Variants in FRMD4A observed in about 807,000 individuals in gnomAD.
FRMD4A encodes the protein FERM domain containing 4A.
In FRMD4A, 29 loss-of-function variants were observed where a neutral mutation model predicts 129.1. That is an observed-to-expected ratio of 0.22 (90% CI 0.17 to 0.31). The LOEUF (loss-of-function observed/expected upper bound fraction) is 0.31. FRMD4A is among the 10% of genes least tolerant of loss of function. FRMD4A has a pLI of 1.00. For missense variants in FRMD4A, 1,272 were observed against 1,375.8 expected, an observed-to-expected ratio of 0.92 and a Z score of 1.19; for synonymous variants, 634 against 571.6, an observed-to-expected ratio of 1.11 and a Z score of -1.56.
At chr10:14,014,670 C>G (rs112145640) in intron 2 of FRMD4A, among the ~76,000 whole-genome samples, 2,315 of 152,272 alleles carry the variant, frequency 0.015, 62 homozygotes, top group African/African-American at 0.053. Context: ...AGAACAGGAC[C>G]AAGACATCAA....
chr10:13,982,231 C>T (rs1484228765), intron 2 of FRMD4A, among the ~76,000 whole-genome samples: 1 of 151,946 alleles, frequency 6.6e-6, no homozygotes. Context: ...TGCCTGTAAT[C>T]CCAGCACTTT....
chr10:14,050,430 A>C (rs777011722), intron 2 of FRMD4A, among the ~76,000 whole-genome samples: 1 of 152,196 alleles, frequency 6.6e-6, no homozygotes, highest in Non-Finnish European at 1.5e-5. Context: ...GACCTAATAA[A>C]ATACAAATTA....
chr10:14,147,382 G>C (rs1279968483), intron 2 of FRMD4A, among the ~76,000 whole-genome samples: 1 of 152,190 alleles, frequency 6.6e-6, no homozygotes, highest in African/African-American at 2.4e-5. Flanking sequence ...TGGTTTTGTG[G>C]AAGATACTTT....
At chr10:14,171,684 G>T (rs1841484526) in intron 2 of FRMD4A, among the ~76,000 whole-genome samples, 1 of 152,204 alleles carries the variant, frequency 6.6e-6, no homozygotes, top group African/African-American at 2.4e-5. Context: ...ATTTAGACTG[G>T]TTAAGTCCAT....
At chr10:14,110,428 A>G (rs1433393507) in intron 2 of FRMD4A, among the ~76,000 whole-genome samples, 1 of 152,180 alleles carries the variant, frequency 6.6e-6, no homozygotes, top group Non-Finnish European at 1.5e-5. Flanking sequence ...CTGTCTTTGA[A>G]AACAGCAAAC....
intron 2 of FRMD4A, among the ~76,000 whole-genome samples, chr10:14,278,608 A>C (rs2132056862): frequency 6.6e-6 from 1 of 152,332 alleles, no homozygotes; most frequent in East Asian, 1.9e-4. Flanking sequence ...ACAGCAACAA[A>C]AGCCCAAAGA....
At chr10:14,048,010 C>A (rs1489335486) in intron 2 of FRMD4A, among the ~76,000 whole-genome samples, 1 of 152,188 alleles carries the variant, frequency 6.6e-6, no homozygotes, top group Non-Finnish European at 1.5e-5. Flanking sequence ...AGCACATAGT[C>A]ACTCAATAAA....
At chr10:13,831,935 C>A (rs55742271) in intron 3 of FRMD4A, among the ~76,000 whole-genome samples, 15,885 of 151,980 alleles carry the variant, frequency 0.1, 1,051 homozygotes, top group South Asian at 0.25. Flanking sequence ...GAGCTCAGGG[C>A]TTTTTTAGCC....
At chr10:14,279,791 C>A (rs1249834122) in intron 2 of FRMD4A, among the ~76,000 whole-genome samples, 1 of 152,212 alleles carries the variant, frequency 6.6e-6, no homozygotes, top group African/African-American at 2.4e-5. Flanking sequence ...GCCCATCATT[C>A]ACTGCATCTC....
Position 13,821,954 on chromosome 10 carries a change from G to C in FRMD4A, c.112-11046C>G, listed in dbSNP as rs1211507518. On this transcript the variant is annotated intron_variant, in intron 3 of 24. Transcript: ENST00000357447. This position sits in a 1 kb window ranked among gnomAD's most constrained non-coding sequence, Gnocchi z 4.3. ...TGCCCCCGCTAATGTTACACTTAGG[G>C]GACAGAGCAGGTCTCGAAGATCCGA... is the stretch of plus-strand genomic sequence containing the variant. Among the ~76,000 whole-genome samples the C allele has an allele frequency of 2.0e-5, 3 of 152,110 alleles. No homozygotes were observed. Among genetic ancestry groups the C allele is most frequent in the Admixed American group, 1.3e-4 (2 of 15,260 alleles).
chr10:14,103,245 C>T (rs560820835), intron 2 of FRMD4A, among the ~76,000 whole-genome samples: 3 of 152,284 alleles, frequency 2.0e-5, no homozygotes, highest in East Asian at 3.9e-4. Flanking sequence ...CAGCAATATG[C>T]CCATCTAATC....
At chr10:14,145,470 A>T (rs796240503) in intron 2 of FRMD4A, among the ~76,000 whole-genome samples, 4 of 152,324 alleles carry the variant, frequency 2.6e-5, no homozygotes, top group African/African-American at 9.6e-5. Flanking sequence ...ATATGTCCAG[A>T]AGATAGACCC....
intron 2 of FRMD4A, among the ~76,000 whole-genome samples, chr10:14,320,185 C>T (rs921440019): frequency 6.6e-6 from 1 of 152,174 alleles, no homozygotes; most frequent in African/African-American, 2.4e-5. Flanking sequence ...ATTAAACACC[C>T]CACTTCCCAT....
intron 2 of FRMD4A, among the ~76,000 whole-genome samples, chr10:13,890,304 C>T (rs1363411448): frequency 3.0e-4 from 46 of 152,324 alleles, no homozygotes; most frequent in Non-Finnish European, 1.6e-4. Flanking sequence ...ATTTGAAGGA[C>T]GGCATACCCA....
Position 13,741,479 on chromosome 10 carries a change from C to T in FRMD4A, c.549-902G>A, listed in dbSNP as rs186815149. ...AACAAAAAACAAAAGAACAAAAAGA[C>T]TGGAGCCCAGGTTTTGGGATCAGCT... On this transcript the variant is annotated intron_variant, in intron 9 of 24. Coordinates refer to ENST00000357447, the MANE Select transcript of FRMD4A (RefSeq NM_018027.5). Among the ~76,000 whole-genome samples, 631 of 152,174 alleles carry T rather than the reference C, an allele frequency of 4.1e-3. 4 individuals carry two copies. Among genetic ancestry groups the T allele is most frequent in the Middle Eastern group, 0.017 (5 of 294 alleles).
chr10:13,956,164 G>GC (rs1554986826), intron 2 of FRMD4A, among the ~76,000 whole-genome samples: 1 of 151,572 alleles, frequency 6.6e-6, no homozygotes, highest in East Asian at 1.9e-4. Context: ...TTTTTCTTTT[G>GC]TTTTTTTAGA....
At chr10:13,734,708 C>G (rs1052142785) in intron 12 of FRMD4A, among the ~76,000 whole-genome samples, 3 of 152,294 alleles carry the variant, frequency 2.0e-5, no homozygotes, top group Middle Eastern at 3.4e-3. Context: ...CACACAGATT[C>G]CTATTACACC....
chr10:13,659,239 C>T, intron 21 of FRMD4A, 84 bp downstream of exon 21: 1 of 1,191,746 alleles, frequency 8.4e-7, no homozygotes, highest in East Asian at 2.3e-5. Flanking sequence ...GTAGCTCATC[C>T]ATTATTTGGG....
chr10:14,050,598 T>C (rs1834211512), intron 2 of FRMD4A, among the ~76,000 whole-genome samples: 1 of 152,036 alleles, frequency 6.6e-6, no homozygotes, highest in Non-Finnish European at 1.5e-5. Flanking sequence ...AGGACCAAGA[T>C]GTAATTAGAG....
Sources: gnomAD v4.1 joint callset for allele counts (sites outside exome capture counted in the v4.1 genomes callset) on GRCh38, gnomAD v4.1.1 for gene constraint, Gnocchi (gnomAD v3.1) non-coding constraint, MANE v1.5 for transcripts, NCBI Gene and HGNC (gene_info 2026-07-23, HGNC 2026-07-21) for gene names.